Variants in NBPF12 observed in about 807,000 individuals in gnomAD.
The protein encoded by NBPF12 is NBPF member 12.
In NBPF12, 115 loss-of-function variants were observed where a neutral mutation model predicts 146.4. That is an observed-to-expected ratio of 0.79 (90% confidence interval 0.68 to 0.92). The LOEUF is 0.92. NBPF12 is among the 40% of genes least tolerant of loss of function. NBPF12 has a pLI of 0.00. For missense variants in NBPF12, 1,205 were observed against 1,326.8 expected, an observed-to-expected ratio of 0.91 and a Z score of 1.43; for synonymous variants, 385 against 508.9, an observed-to-expected ratio of 0.76 and a Z score of 3.28.
At chr1:146,983,288 C>G in intron 20 of NBPF12, 197 bp downstream of exon 23, 1 of 606,506 alleles carries the variant, frequency 1.6e-6, no homozygotes, top group Non-Finnish European at 2.6e-6. Context: ...GCTCTGCTCT[C>G]TTCCTAGTCT....
intron 6 of NBPF12, 56 bp from the exon 10 acceptor site, chr1:146,964,301 C>A (rs1656051543): frequency 6.3e-7 from 1 of 1,595,254 alleles, no homozygotes; most frequent in Non-Finnish European, 8.6e-7. Context: ...GTTGGGCTGA[C>A]TGTGCTTGCA....
intron 14 of NBPF12, among the ~76,000 whole-genome samples, chr1:146,973,838 G>T (rs1410231762): frequency 3.4e-5 from 5 of 148,174 alleles, no homozygotes; most frequent in African/African-American, 1.3e-4. Context: ...AGAGTAGCTT[G>T]GTGAGAGTGA....
chr1:146,944,796 T>C (rs1301393035), upstream of NBPF12, among the ~76,000 whole-genome samples: 4 of 151,668 alleles, frequency 2.6e-5, no homozygotes, highest in African/African-American at 9.7e-5. Context: ...TTTCCTTCCT[T>C]CTTTTCTTCC....
intron 1 of NBPF12, among the ~76,000 whole-genome samples, chr1:146,950,743 A>G (rs1655290537): frequency 6.6e-6 from 1 of 152,030 alleles, no homozygotes; most frequent in Admixed American, 6.5e-5. Context: ...TCTTGTATTG[A>G]TAGATATTTG....
intron 1 of NBPF12, among the ~76,000 whole-genome samples, chr1:146,940,217 T>C (rs1329156114): frequency 6.6e-6 from 1 of 152,040 alleles, no homozygotes; most frequent in Admixed American, 6.5e-5. Context: ...TTTTTTTCTA[T>C]TCTAAAATGC....
At chr1:146,971,897 G>C (rs1185537885) in intron 13 of NBPF12, among the ~76,000 whole-genome samples, 3 of 136,546 alleles carry the variant, frequency 2.2e-5, no homozygotes, top group Non-Finnish European at 4.6e-5. Context: ...GGCTAACACG[G>C]TGAAACCCCA....
rs1433681001 is a variant in NBPF12, at chr1:146,976,787, T to C, written c.2120-142T>C. 7.0e-6 allele frequency: 4 copies of C among 572,360 alleles called. No homozygotes were observed. In the African/African-American group the frequency reaches 7.8e-5, roughly 11 times the overall value. 35.5% of individuals were successfully genotyped at this position (572,360 alleles called of 1,614,324 possible). A position where few individuals can be genotyped will look rare whatever the true frequency, so the allele number is the denominator to read the frequency against. ...TGGACCAGGAAACCATGCCAGGGCATTCTGTTAAAGATAAAACATGAGAGT... is the reference window on the plus strand; with the variant it reads ...TGGACCAGGAAACCATGCCAGGGCACTCTGTTAAAGATAAAACATGAGAGT... On this transcript the variant is annotated intron_variant, in intron 16 of 33. Coordinates refer to ENST00000617844, the Ensembl canonical transcript of NBPF12.
At chr1:146,971,423 C>T (rs1656603373) in intron 13 of NBPF12, 29 bp downstream of exon 16, 22 of 1,573,690 alleles carry the variant, frequency 1.4e-5, no homozygotes, top group South Asian at 4.4e-5. Flanking sequence ...GTGTCTCATA[C>T]CTCTGTCTAG....
At chr1:146,977,988 A>C (rs1391584595) in intron 18 of NBPF12, among the ~76,000 whole-genome samples, 17 of 150,698 alleles carry the variant, frequency 1.1e-4, no homozygotes, top group East Asian at 5.8e-4. Flanking sequence ...TCATCTGTCC[A>C]TGAACAATGT....
chr1:146,983,983 G>A, intron 20 of NBPF12, 151 bp from the exon 24 acceptor site: 1 of 620,656 alleles, frequency 1.6e-6, no homozygotes, highest in Non-Finnish European at 2.8e-6. Flanking sequence ...CTCAAGACTT[G>A]ACCTCAGGCC....
chr1:146,970,760 T>G lies in NBPF12; in HGVS notation c.1379+41T>G, dbSNP rs1553886281. The stretch of plus-strand genomic sequence containing the variant: ...CAGGAGCAAGTAATGGGTGTTAACA[T>G]ATGAAAATGTCTAGGAGGCATGCCC... On this transcript the variant is annotated intron_variant, in intron 12 of 33. Coordinates refer to ENST00000617844, the Ensembl canonical transcript of NBPF12. The G allele has an allele frequency of 1.9e-4, 248 of 1,284,582 alleles. 12 individuals are homozygous for G. In the African/African-American group the frequency reaches 3.2e-3, roughly 16 times the overall value. The allele number at this position is 1,284,582 out of a possible 1,614,324, so 79.6% of individuals were successfully genotyped here. A position where few individuals can be genotyped will look rare whatever the true frequency, so the allele number is the denominator to read the frequency against.
intron 14 of NBPF12, among the ~76,000 whole-genome samples, chr1:146,973,598 G>A (rs1456593070): frequency 6.7e-6 from 1 of 149,158 alleles, no homozygotes; most frequent in Non-Finnish European, 1.5e-5. Flanking sequence ...GACCAGCCTG[G>A]GCAACATGGA....
chr1:146,965,611 T>C (rs1185786586), intron 8 of NBPF12, among the ~76,000 whole-genome samples: 1 of 139,606 alleles, frequency 7.2e-6, no homozygotes, highest in Non-Finnish European at 1.5e-5. Flanking sequence ...TGAAACCCCG[T>C]CTTTACTAAA....
chr1:146,966,995 C>T (rs1441601541), intron 9 of NBPF12, among the ~76,000 whole-genome samples: 2 of 151,128 alleles, frequency 1.3e-5, no homozygotes, highest in South Asian at 2.1e-4. Flanking sequence ...ACATAAGATC[C>T]TGCAGACAAA....
intron 5 of NBPF12, among the ~76,000 whole-genome samples, chr1:146,962,881 C>G (rs1227390151): frequency 6.6e-6 from 1 of 151,316 alleles, no homozygotes; most frequent in East Asian, 1.9e-4. Flanking sequence ...AATGGAACAT[C>G]ATCGAGGATC....
At chr1:146,995,653 A>T (rs1339772754) in exon 34 of NBPF12, 3 of 149,980 alleles carry the variant, frequency 2.0e-5, no homozygotes, top group Non-Finnish European at 4.4e-5. Context: ...AATTCAGCCT[A>T]AACTTTTTGC....
At chr1:146,962,066 G>C (rs1390695485) in intron 4 of NBPF12, 95 bp from the exon 8 acceptor site, 34 of 1,086,296 alleles carry the variant, frequency 3.1e-5, no homozygotes, top group Non-Finnish European at 4.1e-5. Flanking sequence ...GGAGAGTTTT[G>C]TCCTTGGGAT....
chr1:146,951,739 C>G, intron 2 of NBPF12: 7 of 380,150 alleles, frequency 1.8e-5, no homozygotes, highest in South Asian at 1.7e-4. Context: ...CAAAATATTG[C>G]CTTGTTTCCT....
At position 146,972,201 on chromosome 1, in the gene NBPF12, C is replaced by A. The variant is rs1334263383; in HGVS notation, c.1592-550C>A. ...CCTGAGGTCAGGAGTTCGAAACCAG[C>A]CTGTCCAAGTTGGCGAAACCCCATC... On this transcript the variant is annotated intron_variant, in intron 13 of 33. Transcript: ENST00000617844. Among the ~76,000 whole-genome samples, 5 of 150,906 alleles carry A rather than the reference C, an allele frequency of 3.3e-5. 1 individual carries two copies. The highest frequency in any genetic ancestry group is 4.9e-5 in the African/African-American group (2 of 40,478).
Sources: allele counts gnomAD v4.1 joint callset (sites outside exome capture counted in the v4.1 genomes callset), GRCh38; gene constraint gnomAD v4.1.1; transcripts MANE v1.5; gene names NCBI Gene and HGNC (gene_info 2026-07-23, HGNC 2026-07-21).